Variants in TACR3 observed in about 807,000 individuals in gnomAD.
TACR3 encodes tachykinin receptor 3.
TACR3 carries 34 observed loss-of-function variants against 35.0 expected under a neutral mutation model. The ratio of observed to expected loss-of-function variants is 0.97; its 90% CI spans 0.74 to 1.30. TACR3 has a LOEUF of 1.30. Among genes scored for constraint, TACR3 ranks in the 50% most tolerant of loss-of-function variants. TACR3 has a pLI of 0.00. For missense variants in TACR3, 558 were observed against 591.7 expected (o/e 0.94, Z 0.59); for synonymous variants, 233 against 221.1 (o/e 1.05, Z -0.48).
chr4:103,630,769 G>GT (rs1725039119), intron 3 of TACR3, among the ~76,000 whole-genome samples: 1 of 152,168 alleles, frequency 6.6e-6, no homozygotes, highest in South Asian at 2.1e-4. Flanking sequence ...GGAAGACAGT[G>GT]TGGTGATTCC....
chr4:103,701,421 C>T (rs1356599004), intron 1 of TACR3, among the ~76,000 whole-genome samples: 1 of 151,726 alleles, frequency 6.6e-6, no homozygotes. Context: ...AATGGAAGAA[C>T]ATTCCATGCT....
At chr4:103,624,618 T>C (rs144224005) in intron 3 of TACR3, 90 of 151,972 alleles carry the variant, frequency 5.9e-4, no homozygotes, top group African/African-American at 2.1e-3. Context: ...CCGAAATCTT[T>C]GTTGAAATGA....
rs533198540 is a variant in TACR3, at chr4:103,668,559, T to C, written c.549-10156A>G. 4.6e-5 allele frequency among the ~76,000 whole-genome samples: 7 copies of C among 152,126 alleles called. No homozygotes were observed. In the East Asian group the frequency reaches 1.4e-3, roughly 30 times the overall value. On this transcript the variant is annotated intron_variant, in intron 1 of 4. Transcript: ENST00000304883. ...TTAATTTTTTTTGAGTACATAACAG[T>C]TGTTTCGGCCAGGTGTGGTGGCCCA...
intron 3 of TACR3, among the ~76,000 whole-genome samples, chr4:103,595,918 A>G (rs1293983502): frequency 8.7e-6 from 1 of 114,464 alleles, no homozygotes; most frequent in Non-Finnish European, 1.7e-5. Flanking sequence ...ACCCCACAAC[A>G]GTCCCCAGAG....
At position 103,702,954 on chromosome 4, in the gene TACR3, A is replaced by T. The variant is rs540503003; in HGVS notation, c.548+16174T>A. On this transcript the variant is annotated intron_variant, in intron 1 of 4. Transcript: ENST00000304883. ...ATTAGGAGATATACCTAATGTTAAA[A>T]GACAAGTTAATGGGTGCAGCACACC... Among the ~76,000 whole-genome samples, 41 of 151,546 alleles carry T rather than the reference A, an allele frequency of 2.7e-4. 1 individual carries two copies. The highest frequency in any genetic ancestry group is 2.6e-3 in the Admixed American group (39 of 15,196).
intron 3 of TACR3, among the ~76,000 whole-genome samples, chr4:103,629,868 A>ACAAAC (rs1400607953): frequency 4.6e-5 from 5 of 109,708 alleles, no homozygotes; most frequent in African/African-American, 6.9e-5. Context: ...AAACAAAAAA[A>ACAAAC]AAACAAAAAA....
intron 1 of TACR3, among the ~76,000 whole-genome samples, chr4:103,706,843 A>G (rs1335189349): frequency 6.6e-6 from 1 of 152,216 alleles, no homozygotes; most frequent in Admixed American, 6.5e-5. Flanking sequence ...ACTGGGATAA[A>G]ATCGATTCCA....
intron 3 of TACR3, among the ~76,000 whole-genome samples, chr4:103,641,143 G>A (rs138983647): frequency 1.3e-5 from 2 of 151,924 alleles, no homozygotes; most frequent in African/African-American, 4.8e-5. Flanking sequence ...CCCTCAACAC[G>A]ATTTATTGCA....
rs370361778 is a variant in TACR3 at position 103,694,377 on chromosome 4, C to A, written c.548+24751G>T. 4.6e-5 allele frequency among the ~76,000 whole-genome samples: 7 copies of A among 151,974 alleles called. No homozygotes were observed. The East Asian group carries it at 1.3e-3, about 29-fold the overall frequency. The stretch of plus-strand genomic sequence containing the variant: ...ACTTCATGGTAGTTAGTCAACAACC[C>A]AGCCATTGTTGAGACAATGCCAGCC... On this transcript the variant is annotated intron_variant, in intron 1 of 4. Coordinates refer to ENST00000304883, the MANE Select transcript of TACR3 (RefSeq NM_001059.3).
intron 1 of TACR3, among the ~76,000 whole-genome samples, chr4:103,696,518 A>G (rs1028591244): frequency 2.6e-5 from 4 of 152,202 alleles, no homozygotes; most frequent in African/African-American, 9.6e-5. Flanking sequence ...CATCGTTTCT[A>G]TGCTTTGACA....
chr4:103,672,205 T>G (rs143724603), intron 1 of TACR3, among the ~76,000 whole-genome samples: 4 of 152,228 alleles, frequency 2.6e-5, no homozygotes, highest in African/African-American at 9.6e-5. Flanking sequence ...AGTTACTTCC[T>G]TCACTGAAGT....
At chr4:103,650,679 ATATCATATATAATATATAT>A (rs1725580863) in intron 3 of TACR3, among the ~76,000 whole-genome samples, 1 of 34,898 alleles carries the variant, frequency 2.9e-5, no homozygotes, top group Non-Finnish European at 4.8e-5. Context: ...AATATATATT[ATATCATATATAATATATAT>A]TTATATATAT....
Position 103,587,380 on chromosome 4 carries a change from A to G in TACR3, c.*2302T>C, listed in dbSNP as rs998790969. 6.6e-6 allele frequency: 1 copy of G among 152,094 alleles called. No homozygotes were observed. The highest frequency in any genetic ancestry group is 1.5e-5 in the Non-Finnish European group (1 of 67,986). 9.4% of individuals were successfully genotyped at this position (152,094 alleles called of 1,614,324 possible). A position where few individuals can be genotyped will look rare whatever the true frequency, so the allele number is the denominator to read the frequency against. ...TTTTTCTGGAAAGCATTGAAAAAAT[A>G]CTGTCTGGGTATTTCTGTCACACTA... On this transcript the variant is annotated 3_prime_UTR_variant, in exon 5 of 5. Transcript: ENST00000304883.
intron 1 of TACR3, among the ~76,000 whole-genome samples, chr4:103,693,878 T>C (rs1289169471): frequency 1.3e-5 from 2 of 152,136 alleles, no homozygotes. Context: ...TTGCTACAGT[T>C]TATTCTGTGA....
At chr4:103,606,056 T>C (rs1334689538) in intron 3 of TACR3, among the ~76,000 whole-genome samples, 1 of 152,002 alleles carries the variant, frequency 6.6e-6, no homozygotes, top group Non-Finnish European at 1.5e-5. Context: ...TAGCCAGTTT[T>C]CCCAGCACCA....
At chr4:103,688,362 C>A (rs1722308568) in intron 1 of TACR3, among the ~76,000 whole-genome samples, 1 of 151,994 alleles carries the variant, frequency 6.6e-6, no homozygotes, top group African/African-American at 2.4e-5. Context: ...TCTAAAACAC[C>A]AAAAGCAATG....
chr4:103,605,603 T>G (rs965514975), intron 3 of TACR3, among the ~76,000 whole-genome samples: 3 of 152,136 alleles, frequency 2.0e-5, no homozygotes, highest in Non-Finnish European at 1.5e-5. Context: ...TTTTCATGTG[T>G]TTTTTGGCTG....
At chr4:103,681,542 C>T (rs1560529064) in intron 1 of TACR3, among the ~76,000 whole-genome samples, 2 of 152,148 alleles carry the variant, frequency 1.3e-5, no homozygotes, top group South Asian at 2.1e-4. Flanking sequence ...TTGTTTAATG[C>T]TTAAAGGATC....
At chr4:103,642,460 A>G (rs752072177) in intron 3 of TACR3, among the ~76,000 whole-genome samples, 1 of 151,856 alleles carries the variant, frequency 6.6e-6, no homozygotes, top group Non-Finnish European at 1.5e-5. Flanking sequence ...TCCACAAGAG[A>G]ATATTGTTTC....
Sources: allele counts gnomAD v4.1 joint callset (sites outside exome capture counted in the v4.1 genomes callset), GRCh38; gene constraint gnomAD v4.1.1; transcripts MANE v1.5; gene names NCBI Gene and HGNC (gene_info 2026-07-23, HGNC 2026-07-21).